The following HDAC9 variants were observed in gnomAD, a reference collection of about 807,000 sequenced individuals.
HDAC9 encodes histone deacetylase 9.
Under a neutral mutation model 139.4 loss-of-function variants are expected in HDAC9, and 41 were observed. The observed-to-expected ratio is 0.29, with a 90% confidence interval of 0.23 to 0.38. The LOEUF (loss-of-function observed/expected upper bound fraction) is 0.38, where lower values mean the gene tolerates loss of function less well. HDAC9 is among the 10% of genes least tolerant of loss of function. The probability of loss-of-function intolerance (pLI) is 1.00; values close to 1 mark genes in which losing one functional copy is unlikely to be tolerated. For missense variants in HDAC9, 1,147 were observed against 1,297.0 expected (o/e 0.88, Z 1.78); for synonymous variants, 517 against 476.2 (o/e 1.09, Z -1.12).
At chr7:18,637,594 C>G (rs1257552645) in intron 8 of HDAC9, among the ~76,000 whole-genome samples, 2 of 152,022 alleles carry the variant, frequency 1.3e-5, no homozygotes, top group East Asian at 3.9e-4. Flanking sequence ...AGGTCAGTGA[C>G]AGGACATTCA....
At chr7:18,782,606 A>C (rs149526316) in intron 16 of HDAC9, among the ~76,000 whole-genome samples, 241 of 152,152 alleles carry the variant, frequency 1.6e-3, no homozygotes, top group African/African-American at 5.6e-3. Flanking sequence ...TAGCTTTCTG[A>C]TTGGAGGTAG....
chr7:18,142,724 C>T (rs1785996566), intron 1 of HDAC9, among the ~76,000 whole-genome samples: 1 of 152,164 alleles, frequency 6.6e-6, no homozygotes, highest in South Asian at 2.1e-4. Context: ...TTCAGGTGGC[C>T]CATAGGGCTG....
At chr7:18,248,736 G>A (rs574980576) in intron 2 of HDAC9, among the ~76,000 whole-genome samples, 8 of 152,264 alleles carry the variant, frequency 5.3e-5, no homozygotes, top group Non-Finnish European at 1.0e-4. Flanking sequence ...GGGAAGGAAC[G>A]TTTCCTCCAA....
chr7:18,278,494 A>G lies in HDAC9; in HGVS notation c.25+116145A>G, dbSNP rs60254939. 2.8e-3 allele frequency among the ~76,000 whole-genome samples: 424 copies of G among 152,356 alleles called. 2 individuals are homozygous for G. The highest frequency in any genetic ancestry group is 9.4e-3 in the African/African-American group (391 of 41,580). ...TTGTGCTGTTGCCACAGCAGCACCA[A>G]TAATTCAAAACAAGGAAATGGAGTC... On this transcript the variant is annotated intron_variant, in intron 2 of 12. Coordinates refer to the HDAC9 transcript ENST00000417496.
At chr7:18,932,271 C>T (rs989265937) in intron 22 of HDAC9, among the ~76,000 whole-genome samples, 1 of 152,034 alleles carries the variant, frequency 6.6e-6, no homozygotes, top group African/African-American at 2.4e-5. Flanking sequence ...ATTTACCGTA[C>T]CTTTTGGCAA....
At chr7:18,801,577 C>T (rs1793290334) in intron 17 of HDAC9, among the ~76,000 whole-genome samples, 1 of 151,920 alleles carries the variant, frequency 6.6e-6, no homozygotes, top group South Asian at 2.1e-4. Context: ...CAATCTAGTG[C>T]ATCAGGGCTT....
chr7:18,154,152 GT>G (rs545825473), intron 1 of HDAC9, among the ~76,000 whole-genome samples: 1 of 151,118 alleles, frequency 6.6e-6, no homozygotes, highest in African/African-American at 2.4e-5. Context: ...CTAACTTACA[GT>G]TTTTTTTTCT....
At chr7:18,255,217 C>G (rs929681201) in intron 2 of HDAC9, among the ~76,000 whole-genome samples, 2 of 152,138 alleles carry the variant, frequency 1.3e-5, no homozygotes, top group African/African-American at 4.8e-5. Flanking sequence ...CAGAGCTAAA[C>G]ACATAGCTGA....
rs540055806 is a variant in HDAC9 at position 18,756,566 on chromosome 7, C to T, written c.2044-5591C>T. Among the ~76,000 whole-genome samples, 8 of 152,272 alleles carry T rather than the reference C, an allele frequency of 5.3e-5. No homozygotes were observed. The South Asian group carries it at 8.3e-4, about 16-fold the overall frequency. ...CCTAAGGCAAATGCATAAATCAAAG[C>T]GAAGCGTGTTTTATTGCATTTCTAT... is the stretch of plus-strand genomic sequence containing the variant. On this transcript the variant is annotated intron_variant, in intron 14 of 25. Coordinates refer to ENST00000686413, the MANE Select transcript of HDAC9 (RefSeq NM_178425.4).
rs1010574184 is a variant in HDAC9 at position 18,194,794 on chromosome 7, A to G, written c.25+32445A>G. On this transcript the variant is annotated intron_variant, in intron 2 of 12. Coordinates refer to the HDAC9 transcript ENST00000417496. ...TTTATAGTTCTTCCACTTGTTATTTAATCTACTGGTGTTTGATGTTTTCCT... is the reference window on the plus strand; with the variant it reads ...TTTATAGTTCTTCCACTTGTTATTTGATCTACTGGTGTTTGATGTTTTCCT... 5.3e-5 allele frequency among the ~76,000 whole-genome samples: 8 copies of G among 152,274 alleles called. No homozygotes were observed. In the East Asian group the frequency reaches 1.3e-3, roughly 26 times the overall value.
intron 1 of HDAC9, among the ~76,000 whole-genome samples, chr7:18,097,944 A>G (rs927121806): frequency 2.6e-5 from 4 of 152,200 alleles, no homozygotes; most frequent in Admixed American, 2.0e-4. Flanking sequence ...GATGTTGTGT[A>G]CTAACGTCTA....
chr7:18,170,165 G>A (rs1788314042), intron 2 of HDAC9, among the ~76,000 whole-genome samples: 1 of 152,184 alleles, frequency 6.6e-6, no homozygotes, highest in Non-Finnish European at 1.5e-5. Context: ...ACTGGTGTGA[G>A]ATGGTATCTC....
intron 1 of HDAC9, among the ~76,000 whole-genome samples, chr7:18,128,668 G>C (rs1170415443): frequency 1.3e-5 from 2 of 152,036 alleles, no homozygotes; most frequent in African/African-American, 4.8e-5. Flanking sequence ...ACTTAGATTT[G>C]ACTACAGACA....
intron 1 of HDAC9, among the ~76,000 whole-genome samples, chr7:18,413,838 G>A (rs1788799754): frequency 6.6e-6 from 1 of 152,062 alleles, no homozygotes; most frequent in Admixed American, 6.6e-5. Context: ...TAGCATTTGG[G>A]CATTAGCTAA....
At chr7:18,093,502 T>C (rs1336832983) in intron 1 of HDAC9, among the ~76,000 whole-genome samples, 4 of 152,202 alleles carry the variant, frequency 2.6e-5, no homozygotes, top group Non-Finnish European at 5.9e-5. Flanking sequence ...TCATGCCTTC[T>C]TTTATTTTCT....
intron 12 of HDAC9, among the ~76,000 whole-genome samples, chr7:18,709,911 G>T (rs1046602688): frequency 1.3e-5 from 2 of 152,134 alleles, no homozygotes; most frequent in Admixed American, 1.3e-4. Context: ...CTACACTCAG[G>T]GGTGTCTTCT....
At chr7:18,771,165 A>G (rs1790255543) in intron 16 of HDAC9, among the ~76,000 whole-genome samples, 1 of 152,140 alleles carries the variant, frequency 6.6e-6, no homozygotes, top group Admixed American at 6.6e-5. Flanking sequence ...ATATGCAAAA[A>G]GAGGCTCTAA....
chr7:18,478,711 C>T (rs1174510096), intron 1 of HDAC9, among the ~76,000 whole-genome samples: 2 of 152,120 alleles, frequency 1.3e-5, no homozygotes, highest in Admixed American at 6.5e-5. Context: ...AACTCTAGCC[C>T]TCATTAAATG....
chr7:18,779,285 T>G (rs1456638758), intron 16 of HDAC9, among the ~76,000 whole-genome samples: 2 of 152,032 alleles, frequency 1.3e-5, no homozygotes, highest in African/African-American at 4.8e-5. Context: ...GCAGAACATC[T>G]AACACGAAAT....
Sources: allele counts gnomAD v4.1 joint callset (sites outside exome capture counted in the v4.1 genomes callset), GRCh38; gene constraint gnomAD v4.1.1; transcripts MANE v1.5; gene names NCBI Gene and HGNC (gene_info 2026-07-23, HGNC 2026-07-21).